NTSR1: variants seen among roughly 807,000 people sequenced by gnomAD.
NTSR1 encodes neurotensin receptor type 1.
A neutral mutation model predicts 31.2 loss-of-function variants in NTSR1; 29 were observed. The ratio of observed to expected loss-of-function variants is 0.93; its 90% CI spans 0.69 to 1.27. The LOEUF (loss-of-function observed/expected upper bound fraction) is 1.27, where lower values mean the gene tolerates loss of function less well. Among genes scored for constraint, NTSR1 ranks in the 50% most tolerant of loss-of-function variants. NTSR1 has a pLI of 0.00. For missense variants in NTSR1, 697 were observed against 595.4 expected (o/e 1.17, Z -1.78); for synonymous variants, 282 against 269.9 (o/e 1.04, Z -0.44).
rs116127181 is a variant in NTSR1 at position 62,744,281 on chromosome 20, G to A, written c.715-10404G>A. On this transcript the variant is annotated intron_variant, in intron 1 of 3. Transcript: ENST00000370501. This position sits in a 1 kb window ranked among gnomAD's most constrained non-coding sequence, Gnocchi z 4.1. ...TAGAAATGAGGCTGAGGGGCTGGAC[G>A]CAGTGGCTCGTGTTTGTAATCCCAG... is the stretch of plus-strand genomic sequence containing the variant. 7.8e-3 allele frequency among the ~76,000 whole-genome samples: 1,192 copies of A among 152,308 alleles called. 13 individuals are homozygous for A. Among genetic ancestry groups the A allele is most frequent in the African/African-American group, 0.013 (521 of 41,572 alleles).
At chr20:62,712,298 G>T (rs962091643) in intron 1 of NTSR1, among the ~76,000 whole-genome samples, 1 of 152,240 alleles carries the variant, frequency 6.6e-6, no homozygotes, top group African/African-American at 2.4e-5. Flanking sequence ...CTGAAGAGGG[G>T]CTGGATACCC....
At chr20:62,749,159 A>T (rs933568349) in intron 1 of NTSR1, among the ~76,000 whole-genome samples, 2 of 152,206 alleles carry the variant, frequency 1.3e-5, no homozygotes, top group Non-Finnish European at 2.9e-5. Context: ...ATGAAATTGT[A>T]GGCCGGGCGC....
At position 62,711,054 on chromosome 20, in the gene NTSR1, G is replaced by T. The variant is rs1397735500; in HGVS notation, c.714+1133G>T. On this transcript the variant is annotated intron_variant, in intron 1 of 3. Coordinates refer to ENST00000370501, the MANE Select transcript of NTSR1 (RefSeq NM_002531.3). This position sits in a 1 kb window ranked among gnomAD's most constrained non-coding sequence, Gnocchi z 6.4. ...CGCGTATGCCAGTATGCCCGGTGGGGGTGAGGGCAGCAGTGCCGGGCAGGG... is the reference window on the plus strand; with the variant it reads ...CGCGTATGCCAGTATGCCCGGTGGGTGTGAGGGCAGCAGTGCCGGGCAGGG... 6.6e-6 allele frequency among the ~76,000 whole-genome samples: 1 copy of T among 152,172 alleles called. No individual in the cohort carries two copies. The highest frequency in any genetic ancestry group is 1.5e-5 in the Non-Finnish European group (1 of 68,018).
At position 62,709,330 on chromosome 20, in the gene NTSR1, C is replaced by T. The variant is rs763576903; in HGVS notation, c.123C>T (p.Asn41=). Residue 41 remains asparagine, a synonymous_variant, in exon 1 of 4, where the codon AAC becomes AAT. Transcript: ENST00000370501. The part of the protein sequence containing the change: ...LAPGFGNASG[N]ASERVLAAPS... ...CGGGCTTCGGCAACGCTTCGGGCAA[C>T]GCGTCGGAGCGCGTCCTGGCGGCAC... is the stretch of plus-strand genomic sequence containing the variant. The T allele has an allele frequency of 5.0e-6, 8 of 1,608,414 alleles. No individual in the cohort carries two copies. The highest frequency in any genetic ancestry group is 5.9e-6 in the Non-Finnish European group (7 of 1,178,226).
intron 1 of NTSR1, chr20:62,735,170 C>G (rs914600258): frequency 2.0e-5 from 3 of 152,786 alleles, no homozygotes; most frequent in African/African-American, 4.8e-5. Flanking sequence ...GCCGCCAGCT[C>G]AGTGCCAAAA....
rs1241823606 is a variant in NTSR1, at chr20:62,744,357, A to T, written c.715-10328A>T. Among the ~76,000 whole-genome samples, 19 of 152,158 alleles carry T rather than the reference A, an allele frequency of 1.2e-4. No individual in the cohort carries two copies. The highest frequency in any genetic ancestry group is 4.6e-4 in the African/African-American group (19 of 41,428). ...GTCATGAGGTCAGGAGATCGAGACC[A>T]TCCTGGCTAACATGGTGAAACCCTG... is the stretch of plus-strand genomic sequence containing the variant. On this transcript the variant is annotated intron_variant, in intron 1 of 3. Coordinates refer to ENST00000370501, the MANE Select transcript of NTSR1 (RefSeq NM_002531.3). This position sits in a 1 kb window ranked among gnomAD's most constrained non-coding sequence, Gnocchi z 4.1.
At chr20:62,725,532 G>A (rs942002549) in intron 1 of NTSR1, among the ~76,000 whole-genome samples, 1 of 152,174 alleles carries the variant, frequency 6.6e-6, no homozygotes, top group African/African-American at 2.4e-5. Flanking sequence ...GTGGAAAGAG[G>A]TCCCCTGGAT....
Position 62,709,240 on chromosome 20 carries a change from G to C in NTSR1, c.33G>C (p.Pro11=), listed in dbSNP as rs1318198320. The change falls in exon 1 of 4, where the codon CCG becomes CCC. Residue 11 remains proline (P), a synonymous_variant. Transcript: ENST00000370501. Reference sequence around the variant, plus strand: ...TCAACAGCTCCGCGCCGGGAACCCCGGGCACGCCGGCCGCCGACCCCTTCC... The same window carrying C: ...TCAACAGCTCCGCGCCGGGAACCCCCGGCACGCCGGCCGCCGACCCCTTCC... MRLNSSAPGT[P]GTPAADPFQR... The C allele has an allele frequency of 6.6e-7, 1 of 1,504,328 alleles. No individual in the cohort carries two copies. The highest frequency in any genetic ancestry group is 1.3e-5 in the South Asian group (1 of 78,678). The allele number at this position is 1,504,328 out of a possible 1,614,324, so 93.2% of individuals were successfully genotyped here.
intron 1 of NTSR1, among the ~76,000 whole-genome samples, chr20:62,746,122 GA>G (rs1174923209): frequency 6.6e-6 from 1 of 152,192 alleles, no homozygotes; most frequent in Non-Finnish European, 1.5e-5. Flanking sequence ...CAGCCAGGGG[GA>G]AGGTCAAGGC....
Position 62,709,817 on chromosome 20 carries a change from C to A in NTSR1, c.610C>A (p.Leu204Met). The A allele has an allele frequency of 6.2e-7, 1 of 1,612,720 alleles. No individual in the cohort carries two copies. Among genetic ancestry groups the A allele is most frequent in the Non-Finnish European group, 8.5e-7 (1 of 1,179,872 alleles). The change falls in exon 1 of 4, where the codon CTG becomes ATG. Residue 204 changes from leucine (L) to methionine (M), a missense_variant. Physicochemically the swap from Leu to Met is conservative, Grantham distance 15 (BLOSUM62 2). Coordinates refer to ENST00000370501, the MANE Select transcript of NTSR1 (RefSeq NM_002531.3). The stretch of plus-strand genomic sequence containing the variant: ...CTCGGCCCTGCTGGCGGTGCCTATG[C>A]TGTTCACCATGGGCGAGCAGAACCG... ...LASALLAVPMLFTMGEQNRSA... is the reference protein window; with the variant it reads ...LASALLAVPMMFTMGEQNRSA...
chr20:62,749,297 C>T lies in NTSR1; in HGVS notation c.715-5388C>T, dbSNP rs139993333. The stretch of plus-strand genomic sequence containing the variant: ...TCTACTAAAAATACAAAAAATTAGC[C>T]GGGTGTGGTGGCGGGCGCCTGTAGT... On this transcript the variant is annotated intron_variant, in intron 1 of 3. Transcript: ENST00000370501. Among the ~76,000 whole-genome samples, 844 of 152,118 alleles carry T rather than the reference C, an allele frequency of 5.5e-3. 8 individuals are homozygous for T. Among genetic ancestry groups the T allele is most frequent in the African/African-American group, 0.02 (812 of 41,494 alleles).
Position 62,711,668 on chromosome 20 carries a change from AAAAC to A in NTSR1, c.714+1753_714+1756del, listed in dbSNP as rs1156623495. 6.6e-6 allele frequency among the ~76,000 whole-genome samples: 1 copy of A among 151,258 alleles called. No homozygotes were observed. Among genetic ancestry groups the A allele is most frequent in the East Asian group, 2.0e-4 (1 of 5,108 alleles). On this transcript the variant is annotated intron_variant, in intron 1 of 3. Coordinates refer to ENST00000370501, the MANE Select transcript of NTSR1 (RefSeq NM_002531.3). The surrounding 1 kb of genome is among the most constrained non-coding windows in gnomAD (Gnocchi z 6.4). ...GCTCACCAGCCTCCTGCAGTCCTCA[AAAAC>A]AAACAGCCGAAAAGCACAGGGGCGT... is the stretch of plus-strand genomic sequence containing the variant.
rs1215746359 is a variant in NTSR1 at position 62,709,461 on chromosome 20, C to T, written c.254C>T (p.Ala85Val). 2 of 1,612,546 alleles carry T rather than the reference C, an allele frequency of 1.2e-6. No individual in the cohort carries two copies. Among genetic ancestry groups the T allele is most frequent in the Admixed American group, 1.7e-5 (1 of 59,994 alleles). Residue 85 changes from alanine to valine, a missense_variant, in exon 1 of 4, where the codon GCG becomes GTG. Ala to Val is a moderately conservative substitution (Grantham distance 64). Coordinates refer to ENST00000370501, the MANE Select transcript of NTSR1 (RefSeq NM_002531.3). The stretch of plus-strand genomic sequence containing the variant: ...GGCACGGTGGGCAACACGGTGACGG[C>T]GTTCACGCTGGCGCGGAAGAAGTCG... ...VVGTVGNTVT[A>V]FTLARKKSLQ...
In NTSR1 at chr20:62,754,699, G is replaced by A; in HGVS notation, c.729G>A (p.Met243Ile). Reference sequence around the variant, plus strand: ...CTCTCCTGCAGGTCAACACCTTCATGTCCTTCATATTCCCCATGGTGGTCA... The same window carrying A: ...CTCTCCTGCAGGTCAACACCTTCATATCCTTCATATTCCCCATGGTGGTCA... ...VKVVIQVNTF[M>I]SFIFPMVVIS... The change falls in exon 2 of 4, where the codon ATG becomes ATA. Residue 243 changes from methionine to isoleucine, a missense_variant. Transcript: ENST00000370501. 2 of 1,612,512 alleles carry A rather than the reference G, an allele frequency of 1.2e-6. No homozygotes were observed. The highest frequency in any genetic ancestry group is 1.7e-6 in the Non-Finnish European group (2 of 1,179,734).
intron 2 of NTSR1, among the ~76,000 whole-genome samples, chr20:62,757,210 T>C (rs1459464958): frequency 1.3e-5 from 2 of 152,252 alleles, no homozygotes; most frequent in African/African-American, 4.8e-5. Flanking sequence ...GTTTTAGTTC[T>C]TATGTTCAGG....
Position 62,745,519 on chromosome 20 carries a change from AAGAC to A in NTSR1, c.715-9162_715-9159del, listed in dbSNP as rs1428512196. Among the ~76,000 whole-genome samples, 1 of 152,068 alleles carries A rather than the reference AAGAC, an allele frequency of 6.6e-6. No homozygotes were observed. The highest frequency in any genetic ancestry group is 1.5e-5 in the Non-Finnish European group (1 of 67,992). On this transcript the variant is annotated intron_variant, in intron 1 of 3. Transcript: ENST00000370501. The surrounding 1 kb of genome is among the most constrained non-coding windows in gnomAD (Gnocchi z 4.1). ...AGAGACAGACACAGGAAAACAGTGA[AAGAC>A]AGAGACACAGAGGAAAACACACAGA...
chr20:62,721,140 T>C (rs1301243731), intron 1 of NTSR1, among the ~76,000 whole-genome samples: 1 of 152,222 alleles, frequency 6.6e-6, no homozygotes, highest in Non-Finnish European at 1.5e-5. Context: ...GGTCAATTTG[T>C]TGGATAGTGT....
At position 62,742,920 on chromosome 20, in the gene NTSR1, G is replaced by C. The variant is rs548254191; in HGVS notation, c.715-11765G>C. On this transcript the variant is annotated intron_variant, in intron 1 of 3. Coordinates refer to ENST00000370501, the MANE Select transcript of NTSR1 (RefSeq NM_002531.3). This position sits in a 1 kb window ranked among gnomAD's most constrained non-coding sequence, Gnocchi z 7.1. ...GGCCGTGGGGTTCCTGTTCATCCCA[G>C]GGCACCTGTCACGGGACATACCCAC... Among the ~76,000 whole-genome samples, 3 of 149,700 alleles carry C rather than the reference G, an allele frequency of 2.0e-5. 1 individual carries two copies. Among genetic ancestry groups the C allele is most frequent in the African/African-American group, 7.5e-5 (3 of 40,150 alleles).
Position 62,758,485 on chromosome 20 carries a change from CT to C in NTSR1, c.1007+130del. On this transcript the variant is annotated intron_variant, in intron 3 of 3. Transcript: ENST00000370501. This position sits in a 1 kb window ranked among gnomAD's most constrained non-coding sequence, Gnocchi z 4.5. ...GTGTGGTGAGTCCCCCGGCGACCCC[CT>C]GGGCAGGGTTGTGCTGTGACTGGGG... 1.2e-6 allele frequency: 1 copy of C among 806,142 alleles called. No homozygotes were observed. Among genetic ancestry groups the C allele is most frequent in the Non-Finnish European group, 2.0e-6 (1 of 494,042 alleles). The allele number at this position is 806,142 out of a possible 1,614,324, so 49.9% of individuals were successfully genotyped here. A position where few individuals can be genotyped will look rare whatever the true frequency, so the allele number is the denominator to read the frequency against.
Sources: allele counts gnomAD v4.1 joint callset (sites outside exome capture counted in the v4.1 genomes callset), GRCh38; gene constraint gnomAD v4.1.1; non-coding constraint Gnocchi (gnomAD v3.1); transcripts MANE v1.5; gene names NCBI Gene and HGNC (gene_info 2026-07-23, HGNC 2026-07-21).